ACTR3C: variants seen among roughly 807,000 people sequenced by gnomAD.
ACTR3C encodes actin related protein 3C, also known as actin-related protein 3C.
Under a neutral mutation model 26.3 loss-of-function variants are expected in ACTR3C, and 18 were observed. The ratio of observed to expected loss-of-function variants is 0.68; its 90% CI spans 0.47 to 1.01. The LOEUF (loss-of-function observed/expected upper bound fraction) is 1.01. Among genes scored for constraint, ACTR3C ranks in the 50% least tolerant of loss-of-function variants. ACTR3C has a pLI of 0.00. For synonymous variants in ACTR3C, 55 were observed against 94.5 expected (o/e 0.58, Z 2.42); for missense variants, 184 against 250.7 (o/e 0.73, Z 1.80).
the ACTR3C span, among the ~76,000 whole-genome samples, chr7:149,988,766 A>C: frequency 6.6e-6 from 1 of 152,210 alleles, no homozygotes; most frequent in Non-Finnish European, 1.5e-5. Flanking sequence ...CAGCTGAGAA[A>C]AGAAGGTAGA....
intron 6 of ACTR3C, among the ~76,000 whole-genome samples, chr7:150,272,193 G>A (rs1222098368): frequency 7.0e-6 from 1 of 143,000 alleles, no homozygotes; most frequent in African/African-American, 2.9e-5. Context: ...AAATGACATG[G>A]TTGAGAGTCT....
chr7:150,041,801 C>T, the ACTR3C span, among the ~76,000 whole-genome samples: 1 of 134,628 alleles, frequency 7.4e-6, no homozygotes, highest in Non-Finnish European at 1.6e-5. Flanking sequence ...GGGGGTGCCT[C>T]CCCCCCTGCG....
At chr7:149,896,034 CAA>C in the ACTR3C span, among the ~76,000 whole-genome samples, 53 of 83,064 alleles carry the variant, frequency 6.4e-4, no homozygotes, top group Middle Eastern at 6.8e-3. Flanking sequence ...CCTGTCTCTA[CAA>C]AAAAAAAAAA....
chr7:149,882,302 G>A, the ACTR3C span, among the ~76,000 whole-genome samples: 1 of 152,154 alleles, frequency 6.6e-6, no homozygotes, highest in Non-Finnish European at 1.5e-5. Context: ...CTGTGATATT[G>A]GATTGGTGGC....
At chr7:150,192,971 A>G in the ACTR3C span, among the ~76,000 whole-genome samples, 1 of 152,192 alleles carries the variant, frequency 6.6e-6, no homozygotes, top group Non-Finnish European at 1.5e-5. Flanking sequence ...TAACCTCTGT[A>G]TTGTACCTTC....
downstream of ACTR3C, among the ~76,000 whole-genome samples, chr7:150,240,443 T>C (rs6943821): frequency 0.11 from 16,980 of 152,142 alleles, 1,656 homozygotes; most frequent in African/African-American, 0.24. Flanking sequence ...CGGGACAGCA[T>C]TGGGACAAAT....
chr7:150,035,932 T>G, the ACTR3C span, among the ~76,000 whole-genome samples: 9 of 133,576 alleles, frequency 6.7e-5, no homozygotes, highest in East Asian at 2.0e-3. Flanking sequence ...CTCGCCCTCC[T>G]GCGATGGGGG....
the ACTR3C span, among the ~76,000 whole-genome samples, chr7:150,107,065 GA>G: frequency 2.1e-5 from 3 of 144,894 alleles, 1 homozygote; most frequent in Non-Finnish European, 3.0e-5. Flanking sequence ...ACACATGCAT[GA>G]GGATGAAGCA....
chr7:150,023,342 T>TACATAG, the ACTR3C span, among the ~76,000 whole-genome samples: 1 of 18,308 alleles, frequency 5.5e-5, no homozygotes, highest in African/African-American at 1.7e-4. Flanking sequence ...TACATACATA[T>TACATAG]ATATTTTAGA....
At chr7:149,949,355 G>A in the ACTR3C span, among the ~76,000 whole-genome samples, 1 of 143,440 alleles carries the variant, frequency 7.0e-6, no homozygotes, top group African/African-American at 3.0e-5. Context: ...CAGTTTGAGC[G>A]AGAGTAAGAC....
the ACTR3C span, among the ~76,000 whole-genome samples, chr7:149,968,012 C>G: frequency 1.3e-5 from 2 of 152,176 alleles, no homozygotes; most frequent in African/African-American, 4.8e-5. Flanking sequence ...ACGGCATATT[C>G]TGCAGCTCTG....
At chr7:149,968,520 G>A in the ACTR3C span, among the ~76,000 whole-genome samples, 5 of 152,180 alleles carry the variant, frequency 3.3e-5, no homozygotes, top group Non-Finnish European at 7.3e-5. Context: ...GTGATAGGGC[G>A]AGACTCCGTC....
chr7:150,080,788 C>A, the ACTR3C span, among the ~76,000 whole-genome samples: 59 of 152,218 alleles, frequency 3.9e-4, no homozygotes, highest in Middle Eastern at 3.4e-3. Context: ...CTTTATATGA[C>A]CCATGGAAAA....
the ACTR3C span, among the ~76,000 whole-genome samples, chr7:149,979,167 C>T: frequency 9.9e-4 from 151 of 152,342 alleles, 1 homozygote; most frequent in African/African-American, 3.5e-3. Context: ...GCAGTCTCTA[C>T]GATGAATCTC....
At chr7:149,940,984 C>T in the ACTR3C span, among the ~76,000 whole-genome samples, 13 of 152,034 alleles carry the variant, frequency 8.6e-5, no homozygotes, top group Non-Finnish European at 1.5e-4. Context: ...TGACACCATC[C>T]TTGGTTTTCT....
At chr7:150,099,939 G>A in the ACTR3C span, among the ~76,000 whole-genome samples, 348 of 151,776 alleles carry the variant, frequency 2.3e-3, 11 homozygotes, top group African/African-American at 7.9e-3. Flanking sequence ...AGATGAATAC[G>A]CGAAGAAGAG....
At chr7:150,086,059 C>T in the ACTR3C span, among the ~76,000 whole-genome samples, 1 of 151,954 alleles carries the variant, frequency 6.6e-6, no homozygotes, top group Non-Finnish European at 1.5e-5. Context: ...TCACTACAAC[C>T]TCCGTCTCCC....
the ACTR3C span, among the ~76,000 whole-genome samples, chr7:150,098,921 G>A: frequency 1.3e-5 from 2 of 150,696 alleles, no homozygotes; most frequent in African/African-American, 4.9e-5. Context: ...CCCATTAATG[G>A]TCTACAATAG....
At chr7:150,292,380 A>G (rs1417329375) in intron 3 of ACTR3C, among the ~76,000 whole-genome samples, 4 of 152,228 alleles carry the variant, frequency 2.6e-5, no homozygotes, top group Non-Finnish European at 5.9e-5. Context: ...CATTGGACCA[A>G]AAGAAAAATT....
Sources: allele counts gnomAD v4.1 joint callset (sites outside exome capture counted in the v4.1 genomes callset), GRCh38; gene constraint gnomAD v4.1.1; transcripts MANE v1.5; gene names NCBI Gene and HGNC (gene_info 2026-07-23, HGNC 2026-07-21).